MAP3K19: variants seen among roughly 807,000 people sequenced by gnomAD.
The protein encoded by MAP3K19 is SPS1/STE20-related protein kinase YSK4.
A neutral mutation model predicts 114.4 loss-of-function variants in MAP3K19; 91 were observed. That is an observed-to-expected ratio of 0.80 (90% CI 0.67 to 0.95). The LOEUF is 0.95. Ranked by LOEUF, MAP3K19 falls within the 40% of genes least tolerant of loss-of-function variation. The pLI is 0.00. For missense variants in MAP3K19, 1,471 were observed against 1,573.2 expected, an observed-to-expected ratio of 0.94 and a Z score of 1.10; for synonymous variants, 518 against 530.5, an observed-to-expected ratio of 0.98 and a Z score of 0.32.
At chr2:134,977,286 A>G (rs1684307288) in intron 12 of MAP3K19, among the ~76,000 whole-genome samples, 1 of 148,040 alleles carries the variant, frequency 6.8e-6, no homozygotes, top group Non-Finnish European at 1.5e-5. Flanking sequence ...GGCTCAAGTG[A>G]TCCTCCCACC....
chr2:134,998,016 G>A (rs879845973), intron 8 of MAP3K19, among the ~76,000 whole-genome samples: 1 of 152,006 alleles, frequency 6.6e-6, no homozygotes, highest in Non-Finnish European at 1.5e-5. Flanking sequence ...GGTGGTTTTG[G>A]CTGGTTGGTT....
chr2:134,988,409 G>A (rs1685330353), intron 9 of MAP3K19, among the ~76,000 whole-genome samples, 156 bp from the exon 10 acceptor site: 1 of 151,882 alleles, frequency 6.6e-6, no homozygotes, highest in Non-Finnish European at 1.5e-5. Context: ...TTTTCTTCTT[G>A]AGACAAGATC....
chr2:134,993,180 C>T (rs1415679809), intron 8 of MAP3K19, among the ~76,000 whole-genome samples: 1 of 152,178 alleles, frequency 6.6e-6, no homozygotes, highest in African/African-American at 2.4e-5. Flanking sequence ...CTGGCCTCTC[C>T]TCCCTTGTTT....
At chr2:134,990,559 C>A (rs1685494820) in intron 9 of MAP3K19, among the ~76,000 whole-genome samples, 2 of 151,958 alleles carry the variant, frequency 1.3e-5, no homozygotes, top group African/African-American at 4.8e-5. Context: ...TCACTGCAAC[C>A]TCCACCTTCC....
Position 135,021,903 on chromosome 2 carries a change from A to G in MAP3K19, c.23-73T>C, listed in dbSNP as rs1011599570. 26 of 894,304 alleles carry G rather than the reference A, an allele frequency of 2.9e-5. No homozygotes were observed. The Admixed American group carries it at 6.8e-4, about 23-fold the overall frequency. The allele number at this position is 894,304 out of a possible 1,614,324, so 55.4% of individuals were successfully genotyped here. On this transcript the variant is annotated intron_variant, in intron 4 of 12. Coordinates refer to ENST00000392915, the MANE Select transcript of MAP3K19 (RefSeq NM_025052.5). Reference sequence around the variant, plus strand: ...CAATTTCAAAAGAAGATCTAGCTCTATGTTCTAAAATCAGCTCCATTTTGT... The same window carrying G: ...CAATTTCAAAAGAAGATCTAGCTCTGTGTTCTAAAATCAGCTCCATTTTGT...
At chr2:134,969,086 G>A (rs371724794) in intron 12 of MAP3K19, among the ~76,000 whole-genome samples, 3 of 152,178 alleles carry the variant, frequency 2.0e-5, no homozygotes, top group South Asian at 2.1e-4. Flanking sequence ...ACGAGACTCC[G>A]TCTGCAATCC....
chr2:134,968,759 G>A (rs1218294081), intron 12 of MAP3K19, among the ~76,000 whole-genome samples: 10 of 151,324 alleles, frequency 6.6e-5, no homozygotes, highest in Admixed American at 1.3e-4. Flanking sequence ...ATGGGCGGCC[G>A]GGCAGAGACG....
At chr2:135,000,648 TAAAC>T (rs879764074) in intron 6 of MAP3K19, among the ~76,000 whole-genome samples, 9 of 152,154 alleles carry the variant, frequency 5.9e-5, no homozygotes, top group Admixed American at 3.3e-4. Context: ...AACAGGGAAA[TAAAC>T]AAGATGCAGC....
intron 5 of MAP3K19, among the ~76,000 whole-genome samples, chr2:135,010,900 A>C (rs533146262): frequency 6.6e-6 from 1 of 152,258 alleles, no homozygotes; most frequent in African/African-American, 2.4e-5. Flanking sequence ...CCAAGTGCCG[A>C]GATCACAGAC....
intron 12 of MAP3K19, among the ~76,000 whole-genome samples, chr2:134,967,784 T>C (rs191451269): frequency 2.4e-4 from 37 of 152,126 alleles, no homozygotes; most frequent in African/African-American, 7.0e-4. Flanking sequence ...GTTCAGATCC[T>C]TGGTATGCTG....
Position 134,986,590 on chromosome 2 carries a change from C to G in MAP3K19, c.2282G>C (p.Gly761Ala). The G allele has an allele frequency of 6.2e-7, 1 of 1,614,154 alleles. No homozygotes were observed. The change falls in exon 10 of 13, where the codon GGT becomes GCT. Residue 761 changes from glycine to alanine, a missense_variant. Coordinates refer to ENST00000392915, the MANE Select transcript of MAP3K19 (RefSeq NM_025052.5). ...TATCTGCCAGTCTGGTTCTGAAATA[C>G]CATCACCATTTTCAATGTCATGTAG... ...SNLHDIENGD[G>A]ISEPDWQIKS...
intron 12 of MAP3K19, among the ~76,000 whole-genome samples, chr2:134,976,089 T>G (rs1304999618): frequency 1.3e-5 from 2 of 152,184 alleles, no homozygotes; most frequent in East Asian, 3.8e-4. Context: ...TGGGTACAAC[T>G]GGCATCACAC....
Position 134,999,967 on chromosome 2 carries a change from T to C in MAP3K19, c.284A>G (p.Glu95Gly). 6.2e-7 allele frequency: 1 copy of C among 1,611,872 alleles called. No individual in the cohort carries two copies. The highest frequency in any genetic ancestry group is 2.2e-5 in the East Asian group (1 of 44,850). Residue 95 changes from glutamate (E) to glycine (G), a missense_variant, in exon 7 of 13, where the codon GAA becomes GGA. Transcript: ENST00000392915. This position sits in a 1 kb window ranked among gnomAD's most constrained non-coding sequence, Gnocchi z 4.1. ...TTCTTTTAAGTCTTCTTGGCTCATTTCTTGGGGAGGACTGACATCTCTTGG... is the reference window on the plus strand; with the variant it reads ...TTCTTTTAAGTCTTCTTGGCTCATTCCTTGGGGAGGACTGACATCTCTTGG... The part of the protein sequence containing the change: ...TFPRDVSPPQ[E>G]MSQEDLKEKN...
chr2:134,983,600 G>T, intron 11 of MAP3K19, 76 bp downstream of exon 11: 2 of 1,015,242 alleles, frequency 2.0e-6, no homozygotes, highest in Non-Finnish European at 2.9e-6. Context: ...GAGGATGACT[G>T]GGGGAGTGGG....
chr2:135,045,474 G>C (rs757184197), intron 1 of MAP3K19, among the ~76,000 whole-genome samples: 15 of 152,038 alleles, frequency 9.9e-5, no homozygotes, highest in African/African-American at 3.6e-4. Context: ...GGGAAAAAAG[G>C]TTTTCCGAAA....
At chr2:135,020,688 C>A (rs574990042) in intron 5 of MAP3K19, among the ~76,000 whole-genome samples, 4 of 152,306 alleles carry the variant, frequency 2.6e-5, no homozygotes, top group African/African-American at 4.8e-5. Context: ...GTGATTGGAT[C>A]ATGGGGGCGG....
intron 5 of MAP3K19, among the ~76,000 whole-genome samples, chr2:135,017,311 A>G (rs1034985283): frequency 1.6e-4 from 24 of 152,340 alleles, no homozygotes; most frequent in Admixed American, 1.5e-3. Context: ...AAATCTCCAG[A>G]AAAGAATCTT....
rs1408894380 is a variant in MAP3K19 at position 134,999,887 on chromosome 2, AT to A, written c.314+49del. 1 of 1,227,418 alleles carries A rather than the reference AT, an allele frequency of 8.1e-7. No individual in the cohort carries two copies. The highest frequency in any genetic ancestry group is 1.2e-6 in the Non-Finnish European group (1 of 829,054). The allele number at this position is 1,227,418 out of a possible 1,614,324, so 76.0% of individuals were successfully genotyped here. A position where few individuals can be genotyped will look rare whatever the true frequency, so the allele number is the denominator to read the frequency against. On this transcript the variant is annotated intron_variant, in intron 7 of 12. Coordinates refer to ENST00000392915, the MANE Select transcript of MAP3K19 (RefSeq NM_025052.5). The surrounding 1 kb of genome is among the most constrained non-coding windows in gnomAD (Gnocchi z 4.1). ...TAATGTAGGTTGCCATATGACTATC[AT>A]TGCTTCATACTTCATTTCAAATCTG...
chr2:135,035,943 T>A lies in MAP3K19; in HGVS notation c.-284+4420A>T, dbSNP rs556912095. On this transcript the variant is annotated intron_variant, in intron 2 of 12. Transcript: ENST00000392915. Reference sequence around the variant, plus strand: ...TCCGCCTCCAGGGTTCAAGCGATTTTCCTGCCTCAGCCTCCTGAGTAGCTG... The same window carrying A: ...TCCGCCTCCAGGGTTCAAGCGATTTACCTGCCTCAGCCTCCTGAGTAGCTG... 2.0e-4 allele frequency among the ~76,000 whole-genome samples: 31 copies of A among 152,320 alleles called. No homozygotes were observed. In the South Asian group the frequency reaches 2.5e-3, roughly 12 times the overall value.
Sources: allele counts gnomAD v4.1 joint callset (sites outside exome capture counted in the v4.1 genomes callset), GRCh38; gene constraint gnomAD v4.1.1; non-coding constraint Gnocchi (gnomAD v3.1); transcripts MANE v1.5; gene names NCBI Gene and HGNC (gene_info 2026-07-23, HGNC 2026-07-21).